The following TEX14 variants were observed in gnomAD, a reference collection of about 807,000 sequenced individuals.
The protein encoded by TEX14 is testis expressed 14, intercellular bridge forming factor, also known as inactive serine/threonine-protein kinase TEX14.
In TEX14, 168 loss-of-function variants were observed where a neutral mutation model predicts 178.6. That is an observed-to-expected ratio of 0.94 (90% confidence interval 0.83 to 1.07). The LOEUF (loss-of-function observed/expected upper bound fraction) is 1.07, where lower values mean the gene tolerates loss of function less well. Ranked by LOEUF, TEX14 falls within the 50% of genes least tolerant of loss-of-function variation. The pLI is 0.00. For synonymous variants in TEX14, 626 were observed against 634.1 expected, an observed-to-expected ratio of 0.99 and a Z score of 0.19; for missense variants, 1,730 against 1,753.6, an observed-to-expected ratio of 0.99 and a Z score of 0.24.
At chr17:58,675,076 G>T (rs2047373321) in intron 1 of TEX14, among the ~76,000 whole-genome samples, 1 of 151,872 alleles carries the variant, frequency 6.6e-6, no homozygotes, top group South Asian at 2.1e-4. Context: ...AGCCTGGGAG[G>T]TGGAAGTTGC....
intron 1 of TEX14, among the ~76,000 whole-genome samples, chr17:58,680,464 G>A (rs994536956): frequency 1.1e-4 from 16 of 152,138 alleles, no homozygotes; most frequent in African/African-American, 2.2e-4. Flanking sequence ...GAAGCAGGCC[G>A]GACGCTGTGA....
At chr17:58,616,112 C>A in intron 7 of TEX14, 63 bp downstream of exon 7, 1 of 1,538,744 alleles carries the variant, frequency 6.5e-7, no homozygotes, top group Non-Finnish European at 8.8e-7. Flanking sequence ...ATAAGGAAGT[C>A]ACATGCAGCC....
At chr17:58,608,334 G>A (rs558263218) in intron 10 of TEX14, among the ~76,000 whole-genome samples, 138 of 151,842 alleles carry the variant, frequency 9.1e-4, no homozygotes, top group Non-Finnish European at 1.4e-3. Context: ...GGAGAATGGC[G>A]AGAACCCAGG....
chr17:58,689,050 C>T (rs1005031942), intron 1 of TEX14, among the ~76,000 whole-genome samples: 2 of 152,028 alleles, frequency 1.3e-5, no homozygotes, highest in African/African-American at 4.8e-5. Context: ...CCTGCCTCAG[C>T]CTCCCAAGTA....
At chr17:58,615,604 C>T (rs1035536740) in intron 7 of TEX14, among the ~76,000 whole-genome samples, 3 of 151,648 alleles carry the variant, frequency 2.0e-5, no homozygotes, top group Admixed American at 1.3e-4. Context: ...AAAAACACAA[C>T]GTTACCGGCA....
intron 2 of TEX14, 58 bp from the exon 3 acceptor site, chr17:58,630,612 G>A: frequency 1.7e-6 from 2 of 1,174,458 alleles, no homozygotes; most frequent in Non-Finnish European, 2.5e-6. Context: ...AGAAGGAACT[G>A]GGTAGGGGGT....
rs189427321 is a variant in TEX14 at position 58,608,998 on chromosome 17, A to T, written c.1184+2163T>A. Among the ~76,000 whole-genome samples the T allele has an allele frequency of 3.9e-5, 6 of 152,374 alleles. No individual in the cohort carries two copies. The East Asian group carries it at 1.2e-3, about 29-fold the overall frequency. Reference sequence around the variant, plus strand: ...AGGAGACCCTGAAAGCTTTTAACTCAGATTAAAAATGGACCAGATGAGAAA... The same window carrying T: ...AGGAGACCCTGAAAGCTTTTAACTCTGATTAAAAATGGACCAGATGAGAAA... On this transcript the variant is annotated intron_variant, in intron 10 of 31. Transcript: ENST00000349033.
Position 58,593,678 on chromosome 17 carries a change from C to G in TEX14, c.2470-17G>C. 6.3e-7 allele frequency: 1 copy of G among 1,599,654 alleles called. No individual in the cohort carries two copies. The highest frequency in any genetic ancestry group is 8.6e-7 in the Non-Finnish European group (1 of 1,166,938). ...AGTCGGCAGCTTAAAAAGCAATAAA[C>G]ATGTTTCAGGGCTTTGATGAGAGAA... On this transcript the variant is annotated splice_polypyrimidine_tract_variant and intron_variant, in intron 14 of 31. Coordinates refer to ENST00000349033, the MANE Select transcript of TEX14 (RefSeq NM_031272.5).
chr17:58,612,073 C>T (rs947172900), intron 9 of TEX14, among the ~76,000 whole-genome samples: 2 of 152,104 alleles, frequency 1.3e-5, no homozygotes, highest in African/African-American at 2.4e-5. Flanking sequence ...ACATCTCAGG[C>T]CAAAGCACCC....
chr17:58,671,119 C>A (rs536605582), intron 1 of TEX14, among the ~76,000 whole-genome samples: 8 of 152,136 alleles, frequency 5.3e-5, no homozygotes, highest in African/African-American at 1.9e-4. Context: ...CTTTGAGCTA[C>A]ATCCTGGGTA....
At chr17:58,675,528 T>A (rs2047381396) in intron 1 of TEX14, 1 of 152,212 alleles carries the variant, frequency 6.6e-6, no homozygotes, top group Admixed American at 6.6e-5. Flanking sequence ...TATGTTCACA[T>A]AAAAAAGTCT....
At chr17:58,588,723 G>A (rs560982853) in intron 15 of TEX14, among the ~76,000 whole-genome samples, 11 of 152,152 alleles carry the variant, frequency 7.2e-5, no homozygotes, top group African/African-American at 2.6e-4. Flanking sequence ...ATCTCTCTAG[G>A]CCAAGGCTTC....
chr17:58,638,878 T>G (rs9916781), intron 2 of TEX14, among the ~76,000 whole-genome samples: 9,829 of 122,836 alleles, frequency 0.08, 785 homozygotes, highest in East Asian at 0.21. Flanking sequence ...TTTTTTTTTT[T>G]GGGGAGACGG....
chr17:58,619,796 CAAAAAAAAAA>C (rs71367606), intron 5 of TEX14, among the ~76,000 whole-genome samples: 14 of 73,812 alleles, frequency 1.9e-4, no homozygotes, highest in Admixed American at 6.2e-4. Context: ...GACTCAGTCT[CAAAAAAAAAA>C]AAAAAAAAAA....
At chr17:58,565,000 GA>G (rs752890989) in intron 27 of TEX14, 32 bp from the exon 28 acceptor site, 13 of 1,401,954 alleles carry the variant, frequency 9.3e-6, no homozygotes, top group Non-Finnish European at 1.3e-5. Flanking sequence ...AACTTTATTA[GA>G]ACGAAAAAAA....
At chr17:58,584,046 G>A (rs1019761067) in intron 19 of TEX14, among the ~76,000 whole-genome samples, 2 of 152,214 alleles carry the variant, frequency 1.3e-5, no homozygotes, top group African/African-American at 4.8e-5. Flanking sequence ...AGATCCTGCT[G>A]AGGTGCAGTT....
At chr17:58,608,433 T>G (rs2045665340) in intron 10 of TEX14, among the ~76,000 whole-genome samples, 1 of 147,054 alleles carries the variant, frequency 6.8e-6, no homozygotes, top group Non-Finnish European at 1.5e-5. Flanking sequence ...AAAAAAAAAA[T>G]TAGCTGGATG....
At chr17:58,634,398 G>A (rs182740270) in intron 2 of TEX14, among the ~76,000 whole-genome samples, 1 of 152,274 alleles carries the variant, frequency 6.6e-6, no homozygotes, top group African/African-American at 2.4e-5. Context: ...GGGCAACAGA[G>A]TGAGACTCTG....
chr17:58,676,403 A>C (rs907862712), intron 1 of TEX14, among the ~76,000 whole-genome samples: 48 of 149,442 alleles, frequency 3.2e-4, no homozygotes, highest in Admixed American at 1.1e-3. Context: ...ACAAAAAAAA[A>C]CACAAAAAAA....
Sources: gnomAD v4.1 joint callset for allele counts (sites outside exome capture counted in the v4.1 genomes callset) on GRCh38, gnomAD v4.1.1 for gene constraint, MANE v1.5 for transcripts, NCBI Gene and HGNC (gene_info 2026-07-23, HGNC 2026-07-21) for gene names.